The following NIT1 variants were observed in gnomAD, a reference collection of about 807,000 sequenced individuals.
NIT1 encodes the protein deaminated glutathione amidase.
A neutral mutation model predicts 36.8 loss-of-function variants in NIT1; 30 were observed. The observed-to-expected ratio is 0.82, with a 90% CI of 0.61 to 1.11. The LOEUF is 1.11. Ranked by LOEUF, NIT1 falls within the 50% of genes least tolerant of loss-of-function variation. The probability of loss-of-function intolerance (pLI) is 0.00; values close to 1 mark genes in which losing one functional copy is unlikely to be tolerated. For missense variants in NIT1, 438 were observed against 410.6 expected (o/e 1.07, Z -0.58); for synonymous variants, 151 against 155.6 (o/e 0.97, Z 0.22).
At chr1:161,124,162 C>G (rs777136200), downstream of NIT1, 1 of 1,613,596 alleles carries the variant, frequency 6.2e-7, no homozygotes, top group African/African-American at 1.3e-5. Flanking sequence ...TTGAGGGTGA[C>G]GTAGGGCAGC....
At chr1:161,118,281 G>A in intron 1 of NIT1, 103 bp downstream of exon 1, 12 of 1,583,786 alleles carry the variant, frequency 7.6e-6, no homozygotes, top group Non-Finnish European at 1.0e-5. Flanking sequence ...GGAGGGACGG[G>A]CCAACTGGAG....
chr1:161,118,394 C>T lies in NIT1; in HGVS notation c.2+216C>T, dbSNP rs1438653517. ...GGAGACGAGAGAGGGTGAACTTTCC[C>T]CTGCGAGATTCTGGTGAAAGGGGAA... On this transcript the variant is annotated intron_variant, in intron 1 of 6. Transcript: ENST00000368009. 3.3e-6 allele frequency: 5 copies of T among 1,529,898 alleles called. 1 individual carries two copies. In the South Asian group the frequency reaches 3.6e-5, roughly 11 times the overall value. The allele number at this position is 1,529,898 out of a possible 1,614,324, so 94.8% of individuals were successfully genotyped here. A position where few individuals can be genotyped will look rare whatever the true frequency, so the allele number is the denominator to read the frequency against.
At chr1:161,123,834 C>G, downstream of NIT1, 1 of 1,611,522 alleles carries the variant, frequency 6.2e-7, no homozygotes, top group Non-Finnish European at 8.5e-7. Context: ...TTAATGTCTT[C>G]TCACCTGTTT....
At position 161,119,346 on chromosome 1, in the gene NIT1, C is replaced by G; in HGVS notation, c.311C>G (p.Pro104Arg). The G allele has an allele frequency of 6.2e-7, 1 of 1,614,212 alleles. No individual in the cohort carries two copies. Among genetic ancestry groups the G allele is most frequent in the Non-Finnish European group, 8.5e-7 (1 of 1,180,026 alleles). Reference protein sequence around the residue: ...DPAETLHLSEPLGGKLLEEYT... With the variant: ...DPAETLHLSERLGGKLLEEYT... ...GCAGAGACGCTACACCTGTCTGAAC[C>G]ACTGGGTGGGAAACTTTTGGAAGAA... is the stretch of plus-strand genomic sequence containing the variant. Residue 104 changes from proline (P) to arginine (R), a missense_variant, in exon 3 of 7, where the codon CCA becomes CGA. Transcript: ENST00000368009.
At chr1:161,119,069 C>A (rs538484500) in intron 2 of NIT1, 65 bp from the exon 3 acceptor site, 1 of 1,584,000 alleles carries the variant, frequency 6.3e-7, no homozygotes, top group Non-Finnish European at 8.6e-7. Context: ...CCACTTGCAC[C>A]CCTTAGCATT....
intron 5 of NIT1, 25 bp from the exon 6 acceptor site, chr1:161,120,082 C>T (rs766123733): frequency 6.2e-7 from 1 of 1,614,044 alleles, no homozygotes; most frequent in Non-Finnish European, 8.5e-7. Context: ...AGGAAGACTA[C>T]TAAGTAGGCT....
Position 161,119,969 on chromosome 1 carries a change from G to A in NIT1, c.591+17G>A. On this transcript the variant is annotated intron_variant, in intron 5 of 6. Coordinates refer to ENST00000368009, the MANE Select transcript of NIT1 (RefSeq NM_005600.3). ...GCAGGCAAGGTAGGAGTTGTGAAAGGATGAGGGAGGGGAACAGGAATACTT... is the reference window on the plus strand; with the variant it reads ...GCAGGCAAGGTAGGAGTTGTGAAAGAATGAGGGAGGGGAACAGGAATACTT... 6.2e-7 allele frequency: 1 copy of A among 1,605,158 alleles called. No individual in the cohort carries two copies. Among genetic ancestry groups the A allele is most frequent in the Middle Eastern group, 2.0e-4 (1 of 4,938 alleles).
chr1:161,120,156 C>T lies in NIT1; in HGVS notation c.641C>T (p.Ala214Val), dbSNP rs1049557319. 3 of 1,614,156 alleles carry T rather than the reference C, an allele frequency of 1.9e-6. No individual in the cohort carries two copies. The highest frequency in any genetic ancestry group is 3.3e-5 in the Admixed American group (2 of 60,020). ...ATGCGGTTCCCTGAACTCTCTCTGGCATTGGCTCAAGCTGGAGCAGAGATA... is the reference window on the plus strand; with the variant it reads ...ATGCGGTTCCCTGAACTCTCTCTGGTATTGGCTCAAGCTGGAGCAGAGATA... ...YDMRFPELSL[A>V]LAQAGAEILT... Residue 214 changes from alanine (A) to valine (V), a missense_variant, in exon 6 of 7, where the codon GCA becomes GTA. Coordinates refer to ENST00000368009, the MANE Select transcript of NIT1 (RefSeq NM_005600.3).
At position 161,120,830 on chromosome 1, in the gene NIT1, T is replaced by C; in HGVS notation, c.*65T>C. ...CCACCCTGCCACTATGAGCTAGTGC[T>C]CATGTGACTTGGAGGCAGGATCCAG... On this transcript the variant is annotated 3_prime_UTR_variant, in exon 7 of 7. Transcript: ENST00000368009. 6.6e-7 allele frequency: 1 copy of C among 1,514,354 alleles called. No homozygotes were observed. Among genetic ancestry groups the C allele is most frequent in the Non-Finnish European group, 9.0e-7 (1 of 1,116,696 alleles). The allele number at this position is 1,514,354 out of a possible 1,614,324, so 93.8% of individuals were successfully genotyped here.
downstream of NIT1, chr1:161,121,892 C>T (rs1428155762): frequency 2.0e-5 from 9 of 450,518 alleles, no homozygotes; most frequent in East Asian, 7.3e-5. Context: ...ATTTGTCTTA[C>T]GGCTCAGTGG....
At chr1:161,118,608 T>C in intron 1 of NIT1, 178 bp from the exon 2 acceptor site, 1 of 1,534,014 alleles carries the variant, frequency 6.5e-7, no homozygotes, top group Non-Finnish European at 8.7e-7. Flanking sequence ...TTTCTCCATC[T>C]TCCCACTGTA....
chr1:161,119,660 C>G, intron 4 of NIT1, 48 bp downstream of exon 4: 1 of 1,586,188 alleles, frequency 6.3e-7, no homozygotes, highest in Non-Finnish European at 8.7e-7. Flanking sequence ...GCTCTTCTAC[C>G]TAGATTCTCC....
At chr1:161,120,283 C>G (rs1378142803) in intron 6 of NIT1, 51 bp downstream of exon 6, 1 of 1,597,088 alleles carries the variant, frequency 6.3e-7, no homozygotes, top group Non-Finnish European at 8.6e-7. Context: ...ACCTCATCTT[C>G]CCCCCTTGGC....
rs1655103833 is a variant in NIT1 at position 161,118,850 on chromosome 1, C to T, written c.67C>T (p.Pro23Ser). 2 of 1,613,926 alleles carry T rather than the reference C, an allele frequency of 1.2e-6. No homozygotes were observed. Among genetic ancestry groups the T allele is most frequent in the African/African-American group, 1.3e-5 (1 of 74,886 alleles). ...LSLLCPGLRI[P>S]QLSVLCAQPR... ...CCTTCTGTGTCCTGGACTCCGGATA[C>T]CTCAACTCTCAGTACTTTGTGCTCA... Residue 23 changes from proline to serine, a missense_variant, in exon 2 of 7, where the codon CCT (proline) becomes TCT (serine). Pro to Ser is a moderately conservative substitution (Grantham distance 74). Coordinates refer to ENST00000368009, the MANE Select transcript of NIT1 (RefSeq NM_005600.3).
At chr1:161,124,291 G>A (rs1269322616), downstream of NIT1, 5 of 1,614,208 alleles carry the variant, frequency 3.1e-6, no homozygotes, top group African/African-American at 1.3e-5. Flanking sequence ...ATGAGTCCAC[G>A]CTCGTGGTCA....
Position 161,119,512 on chromosome 1 carries a change from A to G in NIT1, c.357A>G (p.Glu119=). 6.2e-7 allele frequency: 1 copy of G among 1,613,952 alleles called. No homozygotes were observed. The highest frequency in any genetic ancestry group is 8.5e-7 in the Non-Finnish European group (1 of 1,179,826). Residue 119 remains glutamate (E), a synonymous_variant, in exon 4 of 7, where the codon GAA becomes GAG. Coordinates refer to ENST00000368009, the MANE Select transcript of NIT1 (RefSeq NM_005600.3). ...TGTCAGTGTCCCTTCCCCCCAGGGAATGTGGACTCTGGCTGTCCTTGGGTG... is the reference window on the plus strand; with the variant it reads ...TGTCAGTGTCCCTTCCCCCCAGGGAGTGTGGACTCTGGCTGTCCTTGGGTG... ...LLEEYTQLAR[E]CGLWLSLGGF...
rs746060088 is a variant in NIT1, at chr1:161,120,575, A to G, written c.794A>G (p.Lys265Arg). The G allele has an allele frequency of 1.9e-6, 3 of 1,614,076 alleles. No individual in the cohort carries two copies. Among genetic ancestry groups the G allele is most frequent in the Non-Finnish European group, 2.5e-6 (3 of 1,180,038 alleles). Residue 265 changes from lysine to arginine, a missense_variant, in exon 7 of 7, where the codon AAG becomes AGG. Lys to Arg is a conservative substitution (Grantham distance 26, BLOSUM62 2). Transcript: ENST00000368009. ...GCACAGTGTGGACGCCACCATGAGA[A>G]GAGAGCAAGTTATGGCCACAGCATG... ...AAAQCGRHHEKRASYGHSMVV... is the reference protein window; with the variant it reads ...AAAQCGRHHERRASYGHSMVV...
rs1395057454 is a variant in NIT1 at position 161,119,387 on chromosome 1, A to G, written c.352A>G (p.Arg118Gly). Reference sequence around the variant, plus strand: ...TTTGGAAGAATACACCCAGCTTGCCAGGTATCAGGGAAATAGCGAGGGAGA... The same window carrying G: ...TTTGGAAGAATACACCCAGCTTGCCGGGTATCAGGGAAATAGCGAGGGAGA... Reference protein sequence around the residue: ...KLLEEYTQLARECGLWLSLGG... With the variant: ...KLLEEYTQLAGECGLWLSLGG... The change falls in exon 3 of 7, where the codon AGG becomes GGG. Residue 118 changes from arginine to glycine, a missense_variant and splice_region_variant. Coordinates refer to ENST00000368009, the MANE Select transcript of NIT1 (RefSeq NM_005600.3). 1.2e-6 allele frequency: 2 copies of G among 1,613,588 alleles called. No individual in the cohort carries two copies. The highest frequency in any genetic ancestry group is 1.7e-6 in the Non-Finnish European group (2 of 1,179,592).
chr1:161,119,305 C>T lies in NIT1; in HGVS notation c.270C>T (p.Phe90=), dbSNP rs948353563. Reference sequence around the variant, plus strand: ...CTTTCCTGCCTGAGGCATTTGACTTCATTGCACGGGACCCTGCAGAGACGC... The same window carrying T: ...CTTTCCTGCCTGAGGCATTTGACTTTATTGCACGGGACCCTGCAGAGACGC... ...CLAFLPEAFD[F]IARDPAETLH... The change falls in exon 3 of 7, where the codon TTC becomes TTT. Residue 90 remains phenylalanine (F), a synonymous_variant. Coordinates refer to ENST00000368009, the MANE Select transcript of NIT1 (RefSeq NM_005600.3). The T allele has an allele frequency of 7.4e-6, 12 of 1,614,242 alleles. No homozygotes were observed. The highest frequency in any genetic ancestry group is 1.0e-5 in the Non-Finnish European group (12 of 1,180,038).
Sources: gnomAD v4.1 joint callset for allele counts on GRCh38, gnomAD v4.1.1 for gene constraint, MANE v1.5 for transcripts, NCBI Gene and HGNC (gene_info 2026-07-23, HGNC 2026-07-21) for gene names.